Variants in TOGARAM1 observed in about 807,000 individuals in gnomAD.
TOGARAM1 encodes TOG array regulator of axonemal microtubules 1, also known as TOG array regulator of axonemal microtubules protein 1.
TOGARAM1 carries 100 observed loss-of-function variants against 166.6 expected under a neutral mutation model. The ratio of observed to expected loss-of-function variants is 0.60; its 90% CI spans 0.51 to 0.71. The LOEUF (loss-of-function observed/expected upper bound fraction) is 0.71. TOGARAM1 is among the 30% of genes least tolerant of loss of function. The pLI, the probability that TOGARAM1 is intolerant of heterozygous loss-of-function variation, is 0.00. For missense variants in TOGARAM1, 2,029 were observed against 2,102.7 expected (o/e 0.96, Z 0.69); for synonymous variants, 758 against 763.8 (o/e 0.99, Z 0.13).
At chr14:44,981,903 G>A (rs933197099) in intron 1 of TOGARAM1, among the ~76,000 whole-genome samples, 1 of 148,328 alleles carries the variant, frequency 6.7e-6, no homozygotes, top group African/African-American at 2.5e-5. Flanking sequence ...GAGTGCAGTG[G>A]CGCCATCTTG....
At chr14:44,980,875 A>G (rs1480503062) in intron 1 of TOGARAM1, among the ~76,000 whole-genome samples, 1 of 152,138 alleles carries the variant, frequency 6.6e-6, no homozygotes, top group African/African-American at 2.4e-5. Context: ...AGAAAAATTA[A>G]TCACAAAAGC....
At chr14:45,016,062 T>G (rs1385428659) in intron 7 of TOGARAM1, among the ~76,000 whole-genome samples, 1 of 150,088 alleles carries the variant, frequency 6.7e-6, no homozygotes, top group Admixed American at 6.7e-5. Context: ...TAAAAAAAAT[T>G]TTTTTTTTTT....
In TOGARAM1 at chr14:45,044,889, T is replaced by C. The variant is rs1466630948; in HGVS notation, c.4154+19T>C. ...GACAAAGGTAATGTTCAAAATAACC[T>C]TGAAATGTCTTTAAACAAAAAATGA... On this transcript the variant is annotated intron_variant, in intron 13 of 19. Coordinates refer to ENST00000361462, the MANE Select transcript of TOGARAM1 (RefSeq NM_001308120.2). 2 of 1,560,662 alleles carry C rather than the reference T, an allele frequency of 1.3e-6. No homozygotes were observed. Among genetic ancestry groups the C allele is most frequent in the Admixed American group, 1.8e-5 (1 of 55,636 alleles).
At chr14:45,044,595 C>A (rs1250193382) in intron 12 of TOGARAM1, 40 bp from the exon 13 acceptor site, 1 of 1,379,564 alleles carries the variant, frequency 7.2e-7, no homozygotes, top group Non-Finnish European at 1.0e-6. Context: ...GATTTTCTTG[C>A]AGAATATCAG....
At chr14:45,011,785 A>ATATGTG in intron 6 of TOGARAM1, 190 bp from the exon 7 acceptor site, 3 of 414,036 alleles carry the variant, frequency 7.2e-6, no homozygotes, top group African/African-American at 6.4e-5. Flanking sequence ...CAAAATATAT[A>ATATGTG]TGTGTGTGTG....
chr14:45,054,758 A>G (rs1882549603), intron 16 of TOGARAM1, among the ~76,000 whole-genome samples: 2 of 152,226 alleles, frequency 1.3e-5, no homozygotes, highest in Admixed American at 1.3e-4. Context: ...ACTGGACATT[A>G]GCAATGCTTT....
intron 16 of TOGARAM1, among the ~76,000 whole-genome samples, chr14:45,064,161 A>G (rs978833350): frequency 6.6e-6 from 1 of 152,012 alleles, no homozygotes; most frequent in Admixed American, 6.5e-5. Flanking sequence ...GTTCTCCCTT[A>G]TTGTAGTAGT....
chr14:45,046,444 A>G, intron 13 of TOGARAM1, 101 bp from the exon 14 acceptor site: 1 of 1,118,798 alleles, frequency 8.9e-7, no homozygotes, highest in Non-Finnish European at 1.1e-6. Context: ...CCAAAAAACA[A>G]AACCAAAATA....
intron 16 of TOGARAM1, among the ~76,000 whole-genome samples, chr14:45,055,800 CAAA>C (rs35535638): frequency 2.1e-5 from 1 of 47,306 alleles, no homozygotes; most frequent in Non-Finnish European, 4.4e-5. Flanking sequence ...GACTCCATCT[CAAA>C]AAAAAAAAAA....
chr14:44,991,978 C>G (rs1334719551), intron 1 of TOGARAM1, among the ~76,000 whole-genome samples: 1 of 146,710 alleles, frequency 6.8e-6, no homozygotes, highest in Non-Finnish European at 1.5e-5. Flanking sequence ...TGGTGTGATC[C>G]TATAGTCCCA....
chr14:45,013,035 A>G (rs892151542), intron 7 of TOGARAM1, among the ~76,000 whole-genome samples: 2 of 152,184 alleles, frequency 1.3e-5, no homozygotes, highest in African/African-American at 4.8e-5. Flanking sequence ...ATCTGGTCCC[A>G]GCCTACCTCT....
At position 45,046,703 on chromosome 14, in the gene TOGARAM1, G is replaced by A; in HGVS notation, c.4313G>A (p.Arg1438Lys). The change falls in exon 14 of 20, where the codon AGG (arginine) becomes AAG (lysine). Residue 1438 changes from arginine (R) to lysine (K), a missense_variant and splice_region_variant. Physicochemically the swap from Arg to Lys is conservative, Grantham distance 26 (BLOSUM62 2). Around this residue, in one of 2 missense-constraint regions of TOGARAM1, gnomAD observed 576 missense variants for 670.5 expected, o/e 0.86. Transcript: ENST00000361462. Reference protein sequence around the residue: ...KFAQDSSQETRYYGRKMLFFM... With the variant: ...KFAQDSSQETKYYGRKMLFFM... ...GCTCAAGACAGTTCACAAGAAACCA[G>A]GTGAATATCTGCTAATGTTTGCTAA... 7.8e-7 allele frequency: 1 copy of A among 1,279,696 alleles called. No individual in the cohort carries two copies. The highest frequency in any genetic ancestry group is 1.0e-6 in the Non-Finnish European group (1 of 1,003,060). 79.3% of individuals were successfully genotyped at this position (1,279,696 alleles called of 1,614,324 possible).
rs74046551 is a variant in TOGARAM1, at chr14:45,072,896, G to A, written c.5057-400G>A. 8.5e-3 allele frequency among the ~76,000 whole-genome samples: 1,301 copies of A among 152,296 alleles called. 20 individuals carry two copies. The highest frequency in any genetic ancestry group is 0.029 in the African/African-American group (1,209 of 41,578). On this transcript the variant is annotated intron_variant, in intron 19 of 19. Coordinates refer to ENST00000361462, the MANE Select transcript of TOGARAM1 (RefSeq NM_001308120.2). ...AAAAATAGGGTACTTGGTTACATTAGTAGAAATAATACGGGAAAAGTAAAA... is the reference window on the plus strand; with the variant it reads ...AAAAATAGGGTACTTGGTTACATTAATAGAAATAATACGGGAAAAGTAAAA...
intron 3 of TOGARAM1, 100 bp downstream of exon 3, chr14:44,999,597 CA>C: frequency 1.1e-6 from 1 of 932,826 alleles, no homozygotes; most frequent in Non-Finnish European, 1.5e-6. Flanking sequence ...ATACTCATCA[CA>C]AAAAATAAAA....
At chr14:45,003,807 A>ATATGTATACATATACATGCATGTATGT (rs375115435) in intron 3 of TOGARAM1, among the ~76,000 whole-genome samples, 26 of 152,068 alleles carry the variant, frequency 1.7e-4, no homozygotes, top group South Asian at 6.2e-4. Context: ...GTATGTATGT[A>ATATGTATACATATACATGCATGTATGT]ATTGATAAAA....
chr14:45,005,716 TA>T (rs1386100093), intron 4 of TOGARAM1, among the ~76,000 whole-genome samples: 1 of 152,240 alleles, frequency 6.6e-6, no homozygotes. Flanking sequence ...GTTTCACCTT[TA>T]AACTACCCTA....
intron 15 of TOGARAM1, among the ~76,000 whole-genome samples, chr14:45,053,196 G>A (rs1042523524): frequency 6.6e-6 from 1 of 151,702 alleles, no homozygotes; most frequent in African/African-American, 2.4e-5. Context: ...CCACCACCAC[G>A]CCCAACTAAT....
chr14:45,048,107 A>C (rs993818319), intron 14 of TOGARAM1, among the ~76,000 whole-genome samples: 1 of 151,446 alleles, frequency 6.6e-6, no homozygotes, highest in Non-Finnish European at 1.5e-5. Flanking sequence ...TAATCCCAGC[A>C]CTTTGGGAGG....
At chr14:44,983,331 A>T (rs1027575472) in intron 1 of TOGARAM1, among the ~76,000 whole-genome samples, 1 of 152,240 alleles carries the variant, frequency 6.6e-6, no homozygotes, top group Non-Finnish European at 1.5e-5. Flanking sequence ...AATATTAAAA[A>T]TTTTTGAGGT....
Sources: allele counts gnomAD v4.1 joint callset (sites outside exome capture counted in the v4.1 genomes callset), GRCh38; gene constraint gnomAD v4.1.1; regional missense constraint gnomAD v4.1.1; transcripts MANE v1.5; gene names NCBI Gene and HGNC (gene_info 2026-07-23, HGNC 2026-07-21).